ADAMTS12: variants seen among roughly 807,000 people sequenced by gnomAD.
ADAMTS12 encodes A disintegrin and metalloproteinase with thrombospondin motifs 12.
A neutral mutation model predicts 167.8 loss-of-function variants in ADAMTS12; 118 were observed. The observed-to-expected ratio is 0.70, with a 90% CI of 0.61 to 0.82. The LOEUF (loss-of-function observed/expected upper bound fraction) is 0.82. ADAMTS12 is among the 40% of genes least tolerant of loss of function. The probability of loss-of-function intolerance (pLI) is 0.00; values close to 1 mark genes in which losing one functional copy is unlikely to be tolerated. For missense variants in ADAMTS12, 1,916 were observed against 1,998.8 expected, an observed-to-expected ratio of 0.96 and a Z score of 0.79; for synonymous variants, 704 against 716.9, an observed-to-expected ratio of 0.98 and a Z score of 0.29.
chr5:33,721,045 A>T (rs1490819423), intron 3 of ADAMTS12, among the ~76,000 whole-genome samples: 2 of 152,250 alleles, frequency 1.3e-5, no homozygotes, highest in Non-Finnish European at 2.9e-5. Context: ...TGTACAGCAA[A>T]GAATGATATG....
At position 33,630,858 on chromosome 5, in the gene ADAMTS12, C is replaced by A; in HGVS notation, c.1944G>T (p.Met648Ile). 1.2e-6 allele frequency: 2 copies of A among 1,613,718 alleles called. No individual in the cohort carries two copies. The highest frequency in any genetic ancestry group is 1.7e-6 in the Non-Finnish European group (2 of 1,179,722). The change falls in exon 13 of 24, where the codon ATG becomes ATT. Residue 648 changes from methionine to isoleucine, a missense_variant. Coordinates refer to ENST00000504830, the MANE Select transcript of ADAMTS12 (RefSeq NM_030955.4). ...GGGTACCATCAATGACAGCATCCAG[C>A]ATTTTCTCAGAAAACTGGCCATCTA... ...RPIDGQFSEK[M>I]LDAVIDGTPC...
intron 2 of ADAMTS12, among the ~76,000 whole-genome samples, chr5:33,855,377 G>A (rs777766902): frequency 6.6e-6 from 1 of 152,210 alleles, no homozygotes; most frequent in Non-Finnish European, 1.5e-5. Flanking sequence ...AGTTTAACAA[G>A]TTCAAATTAT....
chr5:33,884,644 A>G (rs1750574637), intron 1 of ADAMTS12, among the ~76,000 whole-genome samples: 1 of 152,178 alleles, frequency 6.6e-6, no homozygotes, highest in African/African-American at 2.4e-5. Flanking sequence ...CTGGCCTTTA[A>G]GCCTCTCCTC....
At chr5:33,761,455 G>C (rs533321476) in intron 2 of ADAMTS12, among the ~76,000 whole-genome samples, 1 of 152,208 alleles carries the variant, frequency 6.6e-6, no homozygotes. Flanking sequence ...GATGGACATA[G>C]GCTAATCAGG....
At chr5:33,875,421 A>G (rs957576736) in intron 2 of ADAMTS12, among the ~76,000 whole-genome samples, 2 of 152,222 alleles carry the variant, frequency 1.3e-5, no homozygotes, top group Non-Finnish European at 2.9e-5. Context: ...CTATGTATAT[A>G]TGGGAGCAGG....
intron 23 of ADAMTS12, among the ~76,000 whole-genome samples, chr5:33,528,390 C>T (rs1467382312): frequency 1.3e-5 from 2 of 152,038 alleles, no homozygotes; most frequent in African/African-American, 4.8e-5. Context: ...TTGGTTATCC[C>T]CCACAACTAC....
At position 33,881,630 on chromosome 5, in the gene ADAMTS12, G is replaced by A. The variant is rs183847352; in HGVS notation, c.128-150C>T. On this transcript the variant is annotated intron_variant, in intron 1 of 23. Coordinates refer to ENST00000504830, the MANE Select transcript of ADAMTS12 (RefSeq NM_030955.4). Reference sequence around the variant, plus strand: ...AGGCTGGAGTGCAATGGCACGATCCGGGCTCACCGCAACCTCCTCCTCACT... The same window carrying A: ...AGGCTGGAGTGCAATGGCACGATCCAGGCTCACCGCAACCTCCTCCTCACT... The A allele has an allele frequency of 3.2e-4, 355 of 1,108,446 alleles. 1 individual carries two copies. The African/African-American group carries it at 4.9e-3, about 15-fold the overall frequency. 68.7% of individuals were successfully genotyped at this position (1,108,446 alleles called of 1,614,324 possible).
chr5:33,588,938 C>A, intron 17 of ADAMTS12, 129 bp from the exon 18 acceptor site: 1 of 1,122,728 alleles, frequency 8.9e-7, no homozygotes. Flanking sequence ...CTCCAACCCA[C>A]TAGGGGGCGT....
chr5:33,758,523 G>A (rs950608855), intron 2 of ADAMTS12, among the ~76,000 whole-genome samples: 4 of 152,186 alleles, frequency 2.6e-5, no homozygotes. Flanking sequence ...CTTGTCTGAG[G>A]GCTGGAGAGA....
chr5:33,870,689 G>A (rs1050880223), intron 2 of ADAMTS12, among the ~76,000 whole-genome samples: 3 of 152,206 alleles, frequency 2.0e-5, no homozygotes, highest in African/African-American at 4.8e-5. Context: ...GTAATCCCCA[G>A]TGTTGGTGGA....
intron 8 of ADAMTS12, 29 bp from the exon 9 acceptor site, chr5:33,648,995 A>G (rs1740780741): frequency 6.2e-7 from 1 of 1,610,360 alleles, no homozygotes; most frequent in African/African-American, 1.3e-5. Flanking sequence ...AAATGAGAGG[A>G]GTTGTTTAGG....
chr5:33,708,010 A>G (rs1743260273), intron 3 of ADAMTS12, among the ~76,000 whole-genome samples: 1 of 152,190 alleles, frequency 6.6e-6, no homozygotes, highest in South Asian at 2.1e-4. Flanking sequence ...TGAGCAGGCA[A>G]CCTACAGAAT....
At chr5:33,592,923 G>A (rs188421377) in intron 17 of ADAMTS12, among the ~76,000 whole-genome samples, 1 of 152,302 alleles carries the variant, frequency 6.6e-6, no homozygotes, top group African/African-American at 2.4e-5. Flanking sequence ...CATATACAAG[G>A]AAACTAGTGA....
At chr5:33,769,812 C>A (rs1745676627) in intron 2 of ADAMTS12, among the ~76,000 whole-genome samples, 1 of 152,116 alleles carries the variant, frequency 6.6e-6, no homozygotes, top group Admixed American at 6.5e-5. Context: ...CGCAAGTCAC[C>A]AAATTTTTGG....
intron 18 of ADAMTS12, among the ~76,000 whole-genome samples, chr5:33,583,854 G>A (rs1223014463): frequency 6.6e-6 from 1 of 152,080 alleles, no homozygotes. Flanking sequence ...CGCTTTTGAA[G>A]TTATTCACTG....
chr5:33,571,355 T>C (rs1746334404), intron 19 of ADAMTS12, among the ~76,000 whole-genome samples: 1 of 151,946 alleles, frequency 6.6e-6, no homozygotes, highest in African/African-American at 2.4e-5. Context: ...AGTAAAGCTC[T>C]CCTCAGCAAA....
At chr5:33,701,353 C>T (rs1370796377) in intron 3 of ADAMTS12, among the ~76,000 whole-genome samples, 1 of 152,152 alleles carries the variant, frequency 6.6e-6, no homozygotes, top group East Asian at 1.9e-4. Flanking sequence ...TCCTTACTAG[C>T]TGGGCTCTGA....
chr5:33,615,746 T>C (rs1482711912), intron 15 of ADAMTS12, 82 bp downstream of exon 15: 2 of 1,545,436 alleles, frequency 1.3e-6, no homozygotes, highest in Admixed American at 1.9e-5. Flanking sequence ...TGACTTAATG[T>C]CCCCTAGCAA....
chr5:33,677,843 T>C (rs1269223345), intron 5 of ADAMTS12, among the ~76,000 whole-genome samples: 3 of 152,354 alleles, frequency 2.0e-5, no homozygotes, highest in South Asian at 2.1e-4. Context: ...ATCTCGCCTA[T>C]GAGAAAGCCT....
Sources: allele counts gnomAD v4.1 joint callset (sites outside exome capture counted in the v4.1 genomes callset), GRCh38; gene constraint gnomAD v4.1.1; transcripts MANE v1.5; gene names NCBI Gene and HGNC (gene_info 2026-07-23, HGNC 2026-07-21).